Variants in SEMA3E observed in about 807,000 individuals in gnomAD.
SEMA3E encodes semaphorin-3E.
Under a neutral mutation model 93.6 loss-of-function variants are expected in SEMA3E, and 49 were observed. The observed-to-expected ratio is 0.52, with a 90% CI of 0.42 to 0.66. SEMA3E has a LOEUF of 0.66. SEMA3E is among the 30% of genes least tolerant of loss of function. SEMA3E has a pLI of 0.00. For missense variants in SEMA3E, 906 were observed against 964.8 expected (o/e 0.94, Z 0.81); for synonymous variants, 363 against 330.7 (o/e 1.10, Z -1.06).
chr7:83,458,978 T>C (rs1227974778), intron 4 of SEMA3E, among the ~76,000 whole-genome samples: 1 of 144,590 alleles, frequency 6.9e-6, no homozygotes, highest in Non-Finnish European at 1.5e-5. Flanking sequence ...TGTGTGTATA[T>C]ATATATATAC....
intron 4 of SEMA3E, among the ~76,000 whole-genome samples, chr7:83,437,840 T>C (rs1219655215): frequency 6.6e-6 from 1 of 152,134 alleles, no homozygotes; most frequent in African/African-American, 2.4e-5. Flanking sequence ...CTATTAAAAC[T>C]ATTAGGATTA....
At chr7:83,478,619 AG>A (rs1475401072) in intron 2 of SEMA3E, among the ~76,000 whole-genome samples, 1 of 152,178 alleles carries the variant, frequency 6.6e-6, no homozygotes, top group Non-Finnish European at 1.5e-5. Context: ...AAGTAAACAA[AG>A]GGTGTACAGT....
intron 1 of SEMA3E, among the ~76,000 whole-genome samples, chr7:83,574,459 A>T (rs1485531764): frequency 5.7e-5 from 6 of 105,316 alleles, no homozygotes; most frequent in South Asian, 2.8e-4. Context: ...AGTAAAGTTT[A>T]AAAAAAAAAA....
chr7:83,590,831 G>T (rs973904721), intron 1 of SEMA3E, among the ~76,000 whole-genome samples: 11 of 152,016 alleles, frequency 7.2e-5, no homozygotes, highest in African/African-American at 2.2e-4. Flanking sequence ...TCGCAAAACT[G>T]CTGCTTTACT....
chr7:83,641,469 T>C, intron 1 of SEMA3E: 1 of 729,754 alleles, frequency 1.4e-6, no homozygotes, highest in Non-Finnish European at 1.7e-6. Flanking sequence ...GTAATATTAG[T>C]TCTATTGTGC....
At chr7:83,617,524 T>A (rs1793401310) in intron 1 of SEMA3E, among the ~76,000 whole-genome samples, 1 of 145,290 alleles carries the variant, frequency 6.9e-6, no homozygotes, top group Admixed American at 6.9e-5. Flanking sequence ...TATATAATTT[T>A]ATATAAATTT....
At chr7:83,392,376 G>T (rs1425694417) in intron 14 of SEMA3E, among the ~76,000 whole-genome samples, 179 bp downstream of exon 14, 3 of 151,446 alleles carry the variant, frequency 2.0e-5, no homozygotes, top group Non-Finnish European at 4.4e-5. Flanking sequence ...TCAAAAGAGG[G>T]AAAAACTGAC....
intron 4 of SEMA3E, among the ~76,000 whole-genome samples, chr7:83,460,813 C>G (rs1209862077): frequency 6.6e-6 from 1 of 150,478 alleles, no homozygotes; most frequent in African/African-American, 2.4e-5. Flanking sequence ...GACCTCTTAT[C>G]TCTGTGCCCC....
intron 1 of SEMA3E, among the ~76,000 whole-genome samples, chr7:83,578,153 A>AAG (rs1792447842): frequency 1.3e-5 from 2 of 152,044 alleles, no homozygotes; most frequent in Non-Finnish European, 1.5e-5. Flanking sequence ...TCATTAAAAA[A>AAG]AAACAGGATT....
chr7:83,393,942 T>C (rs1788067568), intron 13 of SEMA3E, among the ~76,000 whole-genome samples: 1 of 152,194 alleles, frequency 6.6e-6, no homozygotes, highest in Admixed American at 6.5e-5. Context: ...CTCATCTTCC[T>C]TTCTATAGAG....
intron 7 of SEMA3E, 21 bp downstream of exon 7, chr7:83,407,076 T>C (rs1234433876): frequency 2.5e-6 from 4 of 1,612,976 alleles, no homozygotes; most frequent in East Asian, 2.2e-5. Context: ...TAAGCAAGCA[T>C]AATGAGAGAG....
intron 1 of SEMA3E, among the ~76,000 whole-genome samples, chr7:83,524,898 G>T (rs941243534): frequency 6.6e-6 from 1 of 151,920 alleles, no homozygotes; most frequent in Non-Finnish European, 1.5e-5. Context: ...CTCTGTTGGT[G>T]CAGCTCTCAT....
chr7:83,550,306 T>C (rs1639304), intron 1 of SEMA3E, among the ~76,000 whole-genome samples: 50,648 of 151,930 alleles, frequency 0.33, 10,336 homozygotes, highest in African/African-American at 0.57. Context: ...ACAATGGTTA[T>C]TCTATCCATT....
At chr7:83,593,118 A>G (rs1281425053) in intron 1 of SEMA3E, among the ~76,000 whole-genome samples, 3 of 152,068 alleles carry the variant, frequency 2.0e-5, no homozygotes, top group Admixed American at 1.3e-4. Context: ...ACAACTGGAC[A>G]ATAAACTTTA....
rs541926219 is a variant in SEMA3E at position 83,449,925 on chromosome 7, T to A, written c.456+16557A>T. 6.4e-4 allele frequency among the ~76,000 whole-genome samples: 97 copies of A among 152,280 alleles called. 1 individual carries two copies. Among genetic ancestry groups the A allele is most frequent in the Non-Finnish European group, 1.1e-3 (75 of 68,024 alleles). On this transcript the variant is annotated intron_variant, in intron 4 of 16. Coordinates refer to ENST00000643230, the MANE Select transcript of SEMA3E (RefSeq NM_012431.3). ...AATTGGATATTTTATACTTGCTCCC[T>A]CATAAAATCCCCCAACAAACCCATT...
intron 1 of SEMA3E, among the ~76,000 whole-genome samples, chr7:83,629,014 T>C (rs1264529712): frequency 6.6e-6 from 1 of 152,124 alleles, no homozygotes; most frequent in African/African-American, 2.4e-5. Flanking sequence ...TGCTTCCTGC[T>C]TGGGAGTTTT....
At chr7:83,407,024 C>A in intron 7 of SEMA3E, 73 bp downstream of exon 7, 1 of 1,564,170 alleles carries the variant, frequency 6.4e-7, no homozygotes, top group Non-Finnish European at 8.8e-7. Context: ...AAAGTAGAAA[C>A]TTACTATAAA....
chr7:83,502,814 C>T (rs1020132522), intron 1 of SEMA3E, among the ~76,000 whole-genome samples: 2 of 152,088 alleles, frequency 1.3e-5, no homozygotes, highest in Non-Finnish European at 2.9e-5. Context: ...ACTATGATAT[C>T]CCCAGGACCT....
At chr7:83,442,993 G>A (rs1766394520) in intron 4 of SEMA3E, among the ~76,000 whole-genome samples, 1 of 150,906 alleles carries the variant, frequency 6.6e-6, no homozygotes, top group African/African-American at 2.4e-5. Context: ...TAGATATGAG[G>A]GACTGGGGAA....
Sources: allele counts gnomAD v4.1 joint callset (sites outside exome capture counted in the v4.1 genomes callset), GRCh38; gene constraint gnomAD v4.1.1; transcripts MANE v1.5; gene names NCBI Gene and HGNC (gene_info 2026-07-23, HGNC 2026-07-21).